Variants in KCNT2 observed in about 807,000 individuals in gnomAD.
KCNT2 encodes potassium sodium-activated channel subfamily T member 2, also known as potassium channel subfamily T member 2.
A neutral mutation model predicts 153.8 loss-of-function variants in KCNT2; 67 were observed. The observed-to-expected ratio is 0.44, with a 90% confidence interval of 0.36 to 0.53. The LOEUF (loss-of-function observed/expected upper bound fraction) is 0.53, where lower values mean the gene tolerates loss of function less well. Among genes scored for constraint, KCNT2 ranks in the 20% least tolerant of loss-of-function variants. KCNT2 has a pLI of 0.00. For synonymous variants in KCNT2, 500 were observed against 458.8 expected (o/e 1.09, Z -1.15); for missense variants, 975 against 1,354.8 (o/e 0.72, Z 4.40).
rs1677753888 is a variant in KCNT2 at position 196,467,864 on chromosome 1, A to G, written c.460-78T>C. ...TACCCAGTATACTAAAAAGAAATGG[A>G]AAAAAAGCTGTTAAAGAAAGTATAA... On this transcript the variant is annotated intron_variant, in intron 6 of 27. Transcript: ENST00000294725. 9 of 701,872 alleles carry G rather than the reference A, an allele frequency of 1.3e-5. No homozygotes were observed. The South Asian group carries it at 1.9e-4, about 15-fold the overall frequency. The allele number at this position is 701,872 out of a possible 1,614,324, so 43.5% of individuals were successfully genotyped here.
At chr1:196,585,994 A>G (rs999211184) in intron 1 of KCNT2, among the ~76,000 whole-genome samples, 1 of 152,132 alleles carries the variant, frequency 6.6e-6, no homozygotes, top group African/African-American at 2.4e-5. Context: ...ACTCATGTCT[A>G]TAATCCCAGA....
At chr1:196,282,120 G>A (rs969873302) in intron 24 of KCNT2, among the ~76,000 whole-genome samples, 153 bp downstream of exon 24, 2 of 151,988 alleles carry the variant, frequency 1.3e-5, no homozygotes, top group African/African-American at 4.8e-5. Flanking sequence ...TGTTTTCCTT[G>A]AAATTTTTAA....
chr1:196,420,699 C>G (rs1673126625), intron 12 of KCNT2, among the ~76,000 whole-genome samples: 1 of 151,974 alleles, frequency 6.6e-6, no homozygotes. Flanking sequence ...AATCTTGTGT[C>G]AATGTCAATA....
At chr1:196,366,053 C>T (rs1050726482) in intron 14 of KCNT2, among the ~76,000 whole-genome samples, 8 of 152,178 alleles carry the variant, frequency 5.3e-5, no homozygotes, top group Non-Finnish European at 8.8e-5. Context: ...GGAGACGCTA[C>T]ATGACCTGGC....
intron 8 of KCNT2, among the ~76,000 whole-genome samples, chr1:196,435,131 G>C (rs536688922): frequency 2.4e-5 from 2 of 82,892 alleles, no homozygotes; most frequent in Admixed American, 2.6e-4. Context: ...TTATGTGTGT[G>C]TGTGTATGTA....
At position 196,429,576 on chromosome 1, in the gene KCNT2, C is replaced by T. The variant is rs1281183344; in HGVS notation, c.819+1G>A. ...ATGCAATATAAGATGGTTTTGTTTACCTGTATGGGTAGAACCACAAGAGCA... is the reference window on the plus strand; with the variant it reads ...ATGCAATATAAGATGGTTTTGTTTATCTGTATGGGTAGAACCACAAGAGCA... On this transcript the variant is annotated splice_donor_variant, in intron 9 of 27. Coordinates refer to ENST00000294725, the MANE Select transcript of KCNT2 (RefSeq NM_198503.5). LOFTEE classifies it high-confidence loss of function. The T allele has an allele frequency of 6.3e-7, 1 of 1,595,822 alleles. No homozygotes were observed. The highest frequency in any genetic ancestry group is 2.2e-5 in the East Asian group (1 of 44,548).
rs1053053292 is a variant in KCNT2 at position 196,305,659 on chromosome 1, G to T, written c.2484-314C>A. ...TAAAGCTGATTTAAGAAGTTACAAG[G>T]TTACTTTGTGGATGGTATTGAAACA... On this transcript the variant is annotated intron_variant, in intron 21 of 27. Coordinates refer to ENST00000294725, the MANE Select transcript of KCNT2 (RefSeq NM_198503.5). 3.3e-5 allele frequency among the ~76,000 whole-genome samples: 5 copies of T among 152,124 alleles called. No individual in the cohort carries two copies. The South Asian group carries it at 1.0e-3, about 32-fold the overall frequency.
chr1:196,568,878 A>T lies in KCNT2; in HGVS notation c.95+39337T>A, dbSNP rs542377299. On this transcript the variant is annotated intron_variant, in intron 1 of 27. Coordinates refer to ENST00000294725, the MANE Select transcript of KCNT2 (RefSeq NM_198503.5). ...AAGACACTATGCTTGGCACACAGAG[A>T]AAAAATTCATAGCTGTTGGTTCAAA... Among the ~76,000 whole-genome samples the T allele has an allele frequency of 3.2e-4, 48 of 152,234 alleles. No individual in the cohort carries two copies. In the South Asian group the frequency reaches 3.9e-3, roughly 13 times the overall value.
intron 26 of KCNT2, among the ~76,000 whole-genome samples, chr1:196,238,740 T>C (rs151334895): frequency 0.016 from 2,431 of 151,780 alleles, 32 homozygotes; most frequent in Non-Finnish European, 0.026. Flanking sequence ...AAATGACGAG[T>C]TAATGGGCGC....
At chr1:196,265,979 C>T (rs1445002262) in intron 25 of KCNT2, among the ~76,000 whole-genome samples, 1 of 151,986 alleles carries the variant, frequency 6.6e-6, no homozygotes, top group Non-Finnish European at 1.5e-5. Context: ...AAAATAAAAA[C>T]AAAACAACAA....
At chr1:196,604,975 C>A (rs1665151688) in intron 1 of KCNT2, among the ~76,000 whole-genome samples, 1 of 152,130 alleles carries the variant, frequency 6.6e-6, no homozygotes, top group African/African-American at 2.4e-5. Flanking sequence ...GTATGGAATA[C>A]ACATTTCCTA....
At chr1:196,520,932 G>A (rs1320867656) in intron 1 of KCNT2, among the ~76,000 whole-genome samples, 7 of 152,088 alleles carry the variant, frequency 4.6e-5, no homozygotes, top group African/African-American at 1.7e-4. Flanking sequence ...CACAACAAAA[G>A]CAAAAATTGA....
intron 11 of KCNT2, among the ~76,000 whole-genome samples, chr1:196,425,145 G>A (rs1025027244): frequency 3.9e-5 from 6 of 151,962 alleles, no homozygotes; most frequent in Admixed American, 2.0e-4. Flanking sequence ...AAACTAAGGA[G>A]ACTGTTTTGC....
chr1:196,308,555 GTTTCTAACTTGTGTTAGAAA>G (rs1214945229), intron 21 of KCNT2, among the ~76,000 whole-genome samples: 2 of 151,798 alleles, frequency 1.3e-5, no homozygotes, highest in Admixed American at 1.3e-4. Context: ...GATCTCAATA[GTTTCTAACTTGTGTTAGAAA>G]TTGAAAGGGT....
intron 8 of KCNT2, among the ~76,000 whole-genome samples, chr1:196,464,534 T>G (rs79083862): frequency 2.0e-5 from 3 of 151,892 alleles, no homozygotes; most frequent in African/African-American, 7.2e-5. Context: ...CCTTTTTTAG[T>G]ACTTCCTAAT....
intron 14 of KCNT2, among the ~76,000 whole-genome samples, chr1:196,353,094 C>T (rs984705032): frequency 5.3e-5 from 8 of 151,878 alleles, no homozygotes; most frequent in Non-Finnish European, 7.4e-5. Context: ...AGGAAACTCA[C>T]GCGCAAGAGT....
At chr1:196,536,246 T>C (rs1020818577) in intron 1 of KCNT2, among the ~76,000 whole-genome samples, 7 of 152,258 alleles carry the variant, frequency 4.6e-5, no homozygotes, top group African/African-American at 7.2e-5. Flanking sequence ...TTTCCTACCA[T>C]ATGTCTTGCC....
intron 1 of KCNT2, among the ~76,000 whole-genome samples, chr1:196,544,264 C>T (rs1656766864): frequency 6.6e-6 from 1 of 151,904 alleles, no homozygotes; most frequent in African/African-American, 2.4e-5. Context: ...ATATACAAAA[C>T]AGACTATATA....
chr1:196,272,193 C>T (rs1248424284), intron 25 of KCNT2, among the ~76,000 whole-genome samples: 1 of 151,724 alleles, frequency 6.6e-6, no homozygotes, highest in Non-Finnish European at 1.5e-5. Context: ...AGTGACTTGT[C>T]CAGGAATGGG....
Sources: allele counts gnomAD v4.1 joint callset (sites outside exome capture counted in the v4.1 genomes callset), GRCh38; gene constraint gnomAD v4.1.1; transcripts MANE v1.5; gene names NCBI Gene and HGNC (gene_info 2026-07-23, HGNC 2026-07-21).